SCG3: variants seen among roughly 807,000 people sequenced by gnomAD.
SCG3 encodes secretogranin III.
SCG3 carries 38 observed loss-of-function variants against 56.2 expected under a neutral mutation model. That is an observed-to-expected ratio of 0.68 (90% CI 0.52 to 0.89). The LOEUF (loss-of-function observed/expected upper bound fraction) is 0.89, where lower values mean the gene tolerates loss of function less well. Among genes scored for constraint, SCG3 ranks in the 40% least tolerant of loss-of-function variants. The pLI, the probability that SCG3 is intolerant of heterozygous loss-of-function variation, is 0.00. For synonymous variants in SCG3, 176 were observed against 184.2 expected, an observed-to-expected ratio of 0.96 and a Z score of 0.36; for missense variants, 524 against 540.7, an observed-to-expected ratio of 0.97 and a Z score of 0.31.
At chr15:51,717,229 G>A (rs1003292949) in intron 11 of SCG3, among the ~76,000 whole-genome samples, 3 of 152,076 alleles carry the variant, frequency 2.0e-5, no homozygotes, top group Non-Finnish European at 2.9e-5. Flanking sequence ...TTAGCTGGGC[G>A]TGGTGGCACG....
At chr15:51,713,467 T>C (rs2055433895) in intron 11 of SCG3, 54 bp downstream of exon 11, 2 of 1,210,352 alleles carry the variant, frequency 1.7e-6, no homozygotes, top group Non-Finnish European at 2.4e-6. Flanking sequence ...TCAGGGGCTC[T>C]TGTTATATAA....
At chr15:51,718,920 C>T (rs1003417803) in intron 11 of SCG3, among the ~76,000 whole-genome samples, 12 of 152,126 alleles carry the variant, frequency 7.9e-5, no homozygotes, top group African/African-American at 2.7e-4. Context: ...TCAGAACACC[C>T]GGTTCTGATC....
At chr15:51,710,786 G>A (rs2055415870) in intron 10 of SCG3, among the ~76,000 whole-genome samples, 1 of 127,174 alleles carries the variant, frequency 7.9e-6, no homozygotes, top group Non-Finnish European at 1.7e-5. Flanking sequence ...GGTAGACATG[G>A]GGTTTTTCCA....
At chr15:51,712,702 A>G (rs1323777662) in intron 10 of SCG3, among the ~76,000 whole-genome samples, 1 of 152,170 alleles carries the variant, frequency 6.6e-6, no homozygotes, top group Non-Finnish European at 1.5e-5. Context: ...TGGTATTCTC[A>G]TGCCACACTT....
chr15:51,690,654 A>G (rs1229970564), intron 6 of SCG3, among the ~76,000 whole-genome samples: 1 of 6,048 alleles, frequency 1.7e-4, no homozygotes, highest in African/African-American at 1.2e-3. Flanking sequence ...AGATTTATCA[A>G]AAAAAAAAAC....
chr15:51,698,848 G>T (rs1166216406), intron 8 of SCG3, among the ~76,000 whole-genome samples: 1 of 152,142 alleles, frequency 6.6e-6, no homozygotes, highest in Admixed American at 6.5e-5. Context: ...GACCTGGATA[G>T]GTCCTAGGCT....
intron 6 of SCG3, among the ~76,000 whole-genome samples, chr15:51,690,524 CTT>C (rs899128471): frequency 6.9e-6 from 1 of 143,918 alleles, no homozygotes. Context: ...GTCTGGATTT[CTT>C]TTTTTTTTTT....
intron 8 of SCG3, among the ~76,000 whole-genome samples, chr15:51,697,466 C>A (rs1057415310): frequency 2.0e-5 from 3 of 152,178 alleles, no homozygotes; most frequent in Non-Finnish European, 4.4e-5. Flanking sequence ...GTAACTTAAG[C>A]AGAATTTAAA....
chr15:51,716,873 C>G (rs968350391), intron 11 of SCG3, among the ~76,000 whole-genome samples: 1 of 152,256 alleles, frequency 6.6e-6, no homozygotes, highest in African/African-American at 2.4e-5. Flanking sequence ...GCCTCTGGAA[C>G]AGCTGGCTGA....
intron 11 of SCG3, among the ~76,000 whole-genome samples, chr15:51,716,310 C>G (rs2055455477): frequency 6.6e-6 from 1 of 152,128 alleles, no homozygotes; most frequent in Non-Finnish European, 1.5e-5. Flanking sequence ...CCTTAGGGGT[C>G]AGGAATAAAG....
intron 10 of SCG3, among the ~76,000 whole-genome samples, chr15:51,705,193 C>T (rs182189737): frequency 4.1e-4 from 63 of 152,200 alleles, no homozygotes; most frequent in Non-Finnish European, 7.6e-4. Context: ...GTATAGCAAT[C>T]GTATTTCCCT....
rs1172701514 is a variant in SCG3, at chr15:51,720,576, T to A, written c.*1050T>A. 6.6e-6 allele frequency: 1 copy of A among 152,254 alleles called. No homozygotes were observed. Among genetic ancestry groups the A allele is most frequent in the African/African-American group, 2.4e-5 (1 of 41,462 alleles). The allele number at this position is 152,254 out of a possible 1,614,324, so 9.4% of individuals were successfully genotyped here. On this transcript the variant is annotated 3_prime_UTR_variant, in exon 12 of 12. Coordinates refer to ENST00000220478, the MANE Select transcript of SCG3 (RefSeq NM_013243.4). ...TTAATTACATACATATTTTTCTATA[T>A]ATTTGTTTCAAACTGTAAAAATAAC...
chr15:51,689,400 GGTGT>G (rs3841591), intron 6 of SCG3, 32 bp downstream of exon 6: 1,368 of 1,174,784 alleles, frequency 1.2e-3, no homozygotes, highest in African/African-American at 3.2e-3. Flanking sequence ...TATGCATGGG[GGTGT>G]GTGTGTGTGT....
chr15:51,692,740 G>T (rs1393752883), intron 7 of SCG3, among the ~76,000 whole-genome samples: 1 of 151,864 alleles, frequency 6.6e-6, no homozygotes, highest in Admixed American at 6.6e-5. Flanking sequence ...GGTATAATTG[G>T]CAAACAAATA....
In SCG3 at chr15:51,695,861, G is replaced by A. The variant is rs374278642; in HGVS notation, c.869-14G>A. ...ATCCCCCACAGTTTTAAGTTATTTT[G>A]TTCTTTCATATAGAAAAAGAAGCAA... On this transcript the variant is annotated splice_polypyrimidine_tract_variant and intron_variant, in intron 7 of 11. Transcript: ENST00000220478. 97 of 1,386,024 alleles carry A rather than the reference G, an allele frequency of 7.0e-5. No individual in the cohort carries two copies. The highest frequency in any genetic ancestry group is 9.7e-5 in the Non-Finnish European group (95 of 978,070). The allele number at this position is 1,386,024 out of a possible 1,614,324, so 85.9% of individuals were successfully genotyped here. A position where few individuals can be genotyped will look rare whatever the true frequency, so the allele number is the denominator to read the frequency against.
rs2055483973 is a variant in SCG3, at chr15:51,719,733, T to C, written c.*207T>C. The stretch of plus-strand genomic sequence containing the variant: ...AGTAAAGTTGTATGTAAGCTGAGAT[T>C]TTGTATACAGAATCCTTATTTCCTC... On this transcript the variant is annotated 3_prime_UTR_variant, in exon 12 of 12. Transcript: ENST00000220478. 2 of 546,898 alleles carry C rather than the reference T, an allele frequency of 3.7e-6. No individual in the cohort carries two copies. Among genetic ancestry groups the C allele is most frequent in the African/African-American group, 3.8e-5 (2 of 52,590 alleles). 33.9% of individuals were successfully genotyped at this position (546,898 alleles called of 1,614,324 possible).
chr15:51,694,198 G>A (rs2055286943), intron 7 of SCG3, among the ~76,000 whole-genome samples: 1 of 151,966 alleles, frequency 6.6e-6, no homozygotes, highest in Non-Finnish European at 1.5e-5. Flanking sequence ...TTCTTGCCCA[G>A]GGTCTCAACC....
intron 11 of SCG3, among the ~76,000 whole-genome samples, chr15:51,718,025 G>A (rs374418824): frequency 1.3e-5 from 2 of 152,234 alleles, no homozygotes; most frequent in South Asian, 4.1e-4. Flanking sequence ...CTGGGTGAAA[G>A]GAGGGCAGGT....
chr15:51,710,871 CAG>C (rs1567222715), intron 10 of SCG3, among the ~76,000 whole-genome samples: 1 of 151,036 alleles, frequency 6.6e-6, no homozygotes, highest in Non-Finnish European at 1.5e-5. Context: ...GCTGGGATCA[CAG>C]GTGTGAGCCA....
Sources: gnomAD v4.1 joint callset for allele counts (sites outside exome capture counted in the v4.1 genomes callset) on GRCh38, gnomAD v4.1.1 for gene constraint, MANE v1.5 for transcripts, NCBI Gene and HGNC (gene_info 2026-07-23, HGNC 2026-07-21) for gene names.